NTM: variants seen among roughly 807,000 people sequenced by gnomAD.
The protein encoded by NTM is IgLON family member 2.
NTM carries 13 observed loss-of-function variants against 42.1 expected under a neutral mutation model. That is an observed-to-expected ratio of 0.31 (90% CI 0.20 to 0.49). The LOEUF (loss-of-function observed/expected upper bound fraction) is 0.49, where lower values mean the gene tolerates loss of function less well. Among genes scored for constraint, NTM ranks in the 20% least tolerant of loss-of-function variants. The probability of loss-of-function intolerance (pLI) is 0.99; values close to 1 mark genes in which losing one functional copy is unlikely to be tolerated. For missense variants in NTM, 373 were observed against 452.8 expected (o/e 0.82, Z 1.60); for synonymous variants, 187 against 179.2 (o/e 1.04, Z -0.35).
chr11:132,101,556 T>TGTGTG (rs1555261897), intron 2 of NTM, among the ~76,000 whole-genome samples: 6,851 of 131,084 alleles, frequency 0.052, 220 homozygotes, highest in Middle Eastern at 0.098. Flanking sequence ...GAACACAACC[T>TGTGTG]TGTGTGTGTG....
At chr11:131,854,670 C>T (rs571372946) in intron 1 of NTM, among the ~76,000 whole-genome samples, 5 of 152,140 alleles carry the variant, frequency 3.3e-5, no homozygotes, top group African/African-American at 7.2e-5. Context: ...AATTAGGCCA[C>T]GATAAGGAGT....
intron 1 of NTM, among the ~76,000 whole-genome samples, chr11:131,680,039 G>C (rs1202275414): frequency 6.6e-6 from 1 of 152,042 alleles, no homozygotes; most frequent in East Asian, 1.9e-4. Flanking sequence ...GATTTTTATC[G>C]AGCTTCAGTA....
chr11:131,967,975 C>T (rs1361432729), intron 2 of NTM, among the ~76,000 whole-genome samples: 2 of 152,124 alleles, frequency 1.3e-5, no homozygotes, highest in East Asian at 1.9e-4. Flanking sequence ...AGTCCCTTGA[C>T]CTTTTAAATA....
chr11:132,139,217 T>C lies in NTM; in HGVS notation c.168-7065T>C, dbSNP rs182739859. 2.2e-3 allele frequency among the ~76,000 whole-genome samples: 332 copies of C among 152,298 alleles called. 1 individual carries two copies. Among genetic ancestry groups the C allele is most frequent in the African/African-American group, 7.6e-3 (317 of 41,570 alleles). On this transcript the variant is annotated intron_variant, in intron 2 of 8. Transcript: ENST00000683400. ...GTCACCTAGGGGAAAAAGGCTCCAC[T>C]GTCTGTGGCTCTATGAGATGATGAA...
At chr11:131,955,577 A>G (rs1242730639) in intron 2 of NTM, among the ~76,000 whole-genome samples, 1 of 152,212 alleles carries the variant, frequency 6.6e-6, no homozygotes, top group East Asian at 1.9e-4. Flanking sequence ...TAAAACATCA[A>G]AAGATACATA....
At chr11:131,469,832 A>G (rs1185464817) in intron 1 of NTM, among the ~76,000 whole-genome samples, 1 of 152,226 alleles carries the variant, frequency 6.6e-6, no homozygotes, top group Admixed American at 6.5e-5. Flanking sequence ...GGAGCATCGT[A>G]AGCAGTCCAT....
At chr11:132,167,529 G>T (rs938543564) in intron 3 of NTM, among the ~76,000 whole-genome samples, 6 of 152,156 alleles carry the variant, frequency 3.9e-5, no homozygotes, top group African/African-American at 1.4e-4. Flanking sequence ...TAGCCAATCT[G>T]TCCATTATAA....
intron 1 of NTM, among the ~76,000 whole-genome samples, chr11:131,667,960 T>C (rs571404451): frequency 1.5e-4 from 23 of 152,364 alleles, no homozygotes; most frequent in African/African-American, 5.3e-4. Flanking sequence ...ATAGTCATAG[T>C]TGCCACACAC....
chr11:131,504,000 A>G (rs910399223), intron 1 of NTM, among the ~76,000 whole-genome samples: 7 of 152,184 alleles, frequency 4.6e-5, no homozygotes, highest in Non-Finnish European at 1.0e-4. Flanking sequence ...CATGAAGTCC[A>G]AAGACATGGC....
At chr11:131,411,042 C>T (rs1456754218) in intron 1 of NTM, among the ~76,000 whole-genome samples, 6 of 152,200 alleles carry the variant, frequency 3.9e-5, no homozygotes, top group Non-Finnish European at 8.8e-5. Context: ...TACTTCTATC[C>T]TCATATCCAT....
At chr11:131,529,357 A>G (rs1188925215) in intron 1 of NTM, among the ~76,000 whole-genome samples, 3 of 152,250 alleles carry the variant, frequency 2.0e-5, no homozygotes, top group African/African-American at 7.2e-5. Context: ...GTTGTTGTAA[A>G]CATGTGTACA....
Position 131,370,830 on chromosome 11 carries a change from G to A in NTM, c.24G>A (p.Met8Ile). 2 of 1,613,968 alleles carry A rather than the reference G, an allele frequency of 1.2e-6. No homozygotes were observed. The highest frequency in any genetic ancestry group is 1.7e-5 in the Admixed American group (1 of 59,980). Residue 8 changes from methionine to isoleucine, a missense_variant, in exon 1 of 9, where the codon ATG (methionine) becomes ATA (isoleucine). Coordinates refer to ENST00000683400, the MANE Select transcript of NTM (RefSeq NM_001352005.2). ...TCATGAAAACCATCCAGCCAAAAAT[G>A]CACAATTCTATCTCTTGGGCAATCT... Reference protein sequence around the residue: MKTIQPKMHNSISWAIFT... With the variant: MKTIQPKIHNSISWAIFT...
chr11:131,574,572 G>T (rs2057755630), intron 1 of NTM, among the ~76,000 whole-genome samples: 1 of 147,458 alleles, frequency 6.8e-6, no homozygotes, highest in South Asian at 2.2e-4. Context: ...GTGTGTGTGT[G>T]TGTGTGTGTG....
chr11:131,437,992 C>G (rs1231621546), intron 1 of NTM, among the ~76,000 whole-genome samples: 1 of 152,172 alleles, frequency 6.6e-6, no homozygotes, highest in Non-Finnish European at 1.5e-5. Context: ...GAGAAAATCT[C>G]TCAGCATTTG....
chr11:131,787,354 G>GATTTATTATTATTATTATT, intron 1 of NTM, among the ~76,000 whole-genome samples: 1 of 144,432 alleles, frequency 6.9e-6, no homozygotes, highest in Non-Finnish European at 1.5e-5. Flanking sequence ...CATAATACAA[G>GATTTATTATTATTATTATT]ATTATTATTA....
At chr11:131,481,237 T>C (rs1487096390) in intron 1 of NTM, among the ~76,000 whole-genome samples, 3 of 152,062 alleles carry the variant, frequency 2.0e-5, no homozygotes, top group Non-Finnish European at 4.4e-5. Flanking sequence ...TCAAGAGAAG[T>C]AGAGATTGAA....
chr11:131,407,985 G>A (rs1046733848), intron 1 of NTM, among the ~76,000 whole-genome samples: 1 of 152,158 alleles, frequency 6.6e-6, no homozygotes, highest in African/African-American at 2.4e-5. Context: ...AAAGTAGCGC[G>A]GCCCCCAGCC....
At chr11:132,334,039 A>G (rs937346131) in intron 8 of NTM, among the ~76,000 whole-genome samples, 1 of 152,198 alleles carries the variant, frequency 6.6e-6, no homozygotes. Flanking sequence ...AAATACCTCT[A>G]TTAAATTCAA....
chr11:131,520,265 C>G (rs2049455377), intron 1 of NTM, among the ~76,000 whole-genome samples: 1 of 152,086 alleles, frequency 6.6e-6, no homozygotes, highest in Non-Finnish European at 1.5e-5. Context: ...TATAAAGATT[C>G]TTTTAAGTCT....
Sources: allele counts gnomAD v4.1 joint callset (sites outside exome capture counted in the v4.1 genomes callset), GRCh38; gene constraint gnomAD v4.1.1; transcripts MANE v1.5; gene names NCBI Gene and HGNC (gene_info 2026-07-23, HGNC 2026-07-21).